GLP2R: variants seen among roughly 807,000 people sequenced by gnomAD.
GLP2R encodes the protein glucagon-like peptide 2 receptor.
GLP2R carries 59 observed loss-of-function variants against 68.2 expected under a neutral mutation model. The observed-to-expected ratio is 0.87, with a 90% CI of 0.70 to 1.07. The LOEUF is 1.07. Among genes scored for constraint, GLP2R ranks in the 50% least tolerant of loss-of-function variants. GLP2R has a pLI of 0.00. For synonymous variants in GLP2R, 270 were observed against 265.4 expected, an observed-to-expected ratio of 1.02 and a Z score of -0.17; for missense variants, 548 against 677.4, an observed-to-expected ratio of 0.81 and a Z score of 2.12.
chr17:9,842,855 C>A (rs974583022), intron 4 of GLP2R, among the ~76,000 whole-genome samples: 1 of 152,224 alleles, frequency 6.6e-6, no homozygotes, highest in Non-Finnish European at 1.5e-5. Flanking sequence ...TTGATCCTGG[C>A]ATTTGTGCTT....
At chr17:9,876,678 C>T (rs904131814) in intron 10 of GLP2R, among the ~76,000 whole-genome samples, 8 of 152,208 alleles carry the variant, frequency 5.3e-5, no homozygotes, top group African/African-American at 1.9e-4. Context: ...GAGAGACCTT[C>T]CTGCTTCTGT....
chr17:9,835,860 G>T (rs1172540500), intron 2 of GLP2R, among the ~76,000 whole-genome samples: 1 of 151,948 alleles, frequency 6.6e-6, no homozygotes, highest in Non-Finnish European at 1.5e-5. Flanking sequence ...GGCCAACATA[G>T]TGAAACTGTC....
At chr17:9,856,889 C>T (rs1015094026) in intron 5 of GLP2R, among the ~76,000 whole-genome samples, 4 of 151,934 alleles carry the variant, frequency 2.6e-5, no homozygotes, top group Non-Finnish European at 2.9e-5. Flanking sequence ...ATTTGGAACA[C>T]GGCTGGCATG....
chr17:9,889,455 TC>T lies in GLP2R; in HGVS notation c.1414del (p.Arg472GlyfsTer3). 6.2e-7 allele frequency: 1 copy of T among 1,614,016 alleles called. No individual in the cohort carries two copies. The highest frequency in any genetic ancestry group is 8.5e-7 in the Non-Finnish European group (1 of 1,179,882). On this transcript the variant is annotated frameshift_variant, in exon 13 of 13. Coordinates refer to ENST00000262441, the MANE Select transcript of GLP2R (RefSeq NM_004246.3). LOFTEE classifies it low-confidence loss of function (END_TRUNC). ...AGAGCCTGTGTCCTGGGGAAGGACTTCCGGTTCCTAGGAAAATGTCCCAAGA... is the reference window on the plus strand; with the variant it reads ...AGAGCCTGTGTCCTGGGGAAGGACTTCGGTTCCTAGGAAAATGTCCCAAGA... ...GCRACVLGKD[F>X]RFLGKCPKKL...
At chr17:9,846,338 A>C (rs2066838417) in intron 4 of GLP2R, among the ~76,000 whole-genome samples, 1 of 152,238 alleles carries the variant, frequency 6.6e-6, no homozygotes, top group Non-Finnish European at 1.5e-5. Flanking sequence ...GTTAGAGGCC[A>C]GCTGCAGTAG....
intron 6 of GLP2R, among the ~76,000 whole-genome samples, 159 bp downstream of exon 6, chr17:9,857,735 C>T (rs981405492): frequency 4.0e-5 from 6 of 148,936 alleles, no homozygotes; most frequent in Non-Finnish European, 7.4e-5. Context: ...AACAAAACCA[C>T]CACCTGCCAA....
Position 9,887,429 on chromosome 17 carries a change from G to A in GLP2R, c.1285-503G>A, listed in dbSNP as rs1208752693. On this transcript the variant is annotated intron_variant, in intron 11 of 12. Transcript: ENST00000262441. Reference sequence around the variant, plus strand: ...TGTAATTCCAGCTACTTGGGAGGCTGAGACAGGAGAATGCTTGAACTCGGG... The same window carrying A: ...TGTAATTCCAGCTACTTGGGAGGCTAAGACAGGAGAATGCTTGAACTCGGG... Among the ~76,000 whole-genome samples the A allele has an allele frequency of 3.3e-5, 5 of 152,204 alleles. No homozygotes were observed. The South Asian group carries it at 1.0e-3, about 32-fold the overall frequency.
chr17:9,872,358 C>T (rs966863950), intron 10 of GLP2R, among the ~76,000 whole-genome samples: 5 of 152,166 alleles, frequency 3.3e-5, no homozygotes, highest in Non-Finnish European at 7.4e-5. Flanking sequence ...GGGCATATCA[C>T]CTGAGGTCAG....
intron 4 of GLP2R, among the ~76,000 whole-genome samples, chr17:9,849,075 G>T (rs1340565641): frequency 6.6e-6 from 1 of 150,718 alleles, no homozygotes; most frequent in African/African-American, 2.4e-5. Context: ...TTAATATATG[G>T]CATATAATTT....
intron 10 of GLP2R, among the ~76,000 whole-genome samples, chr17:9,872,056 G>T (rs1049850762): frequency 2.6e-5 from 4 of 152,152 alleles, no homozygotes; most frequent in African/African-American, 7.2e-5. Context: ...TATGCATTCA[G>T]CAGGGCTCTG....
rs3073988 is a variant in GLP2R, at chr17:9,873,556, C to CTTTTTTTTTTTTTTTTTTTTTTTT, written c.1145+2744_1145+2745insTTTTTTTTTTTTTTTTTTTTTTTT. ...GGATATCACAAAAACTATGCATGGA[C>CTTTTTTTTTTTTTTTTTTTTTTTT]TTTTTTTTTTTTTTTTTTTTTTTAG... On this transcript the variant is annotated intron_variant, in intron 10 of 12. Transcript: ENST00000262441. Among the ~76,000 whole-genome samples, 8 of 52,060 alleles carry CTTTTTTTTTTTTTTTTTTTTTTTT rather than the reference C, an allele frequency of 1.5e-4. 1 individual carries two copies. The highest frequency in any genetic ancestry group is 2.4e-4 in the Non-Finnish European group (7 of 29,448). 34.2% of individuals were successfully genotyped at this position (52,060 alleles called of 152,430 possible).
At chr17:9,840,976 G>C (rs1177964500) in intron 3 of GLP2R, among the ~76,000 whole-genome samples, 1 of 151,566 alleles carries the variant, frequency 6.6e-6, no homozygotes, top group African/African-American at 2.4e-5. Flanking sequence ...TTCTCAGAAA[G>C]CCCTTGGAAG....
intron 3 of GLP2R, among the ~76,000 whole-genome samples, chr17:9,836,817 G>T (rs1331588900): frequency 3.3e-5 from 5 of 150,862 alleles, no homozygotes; most frequent in Non-Finnish European, 7.4e-5. Context: ...CAAAATGGAC[G>T]ATCAAGTTAT....
At chr17:9,852,060 G>T (rs4791892) in intron 4 of GLP2R, among the ~76,000 whole-genome samples, 590 of 53,282 alleles carry the variant, frequency 0.011, 3 homozygotes, top group African/African-American at 0.031. Context: ...TTTTTTTTTT[G>T]TTTTTTTTTT....
At chr17:9,880,347 C>A (rs2067183855) in intron 10 of GLP2R, 31 bp from the exon 11 acceptor site, 1 of 1,499,746 alleles carries the variant, frequency 6.7e-7, no homozygotes, top group East Asian at 2.3e-5. Flanking sequence ...CCATGTGGCC[C>A]TCTTGACTGT....
At position 9,891,809 on chromosome 17, in the gene GLP2R, C is replaced by T. The variant is rs572046810; in HGVS notation, c.*2104C>T. On this transcript the variant is annotated 3_prime_UTR_variant, in exon 13 of 13. Transcript: ENST00000262441. ...AATGTCCCTGCCTCGGCTCATCAGC[C>T]AATTAGCTCCTAGAAAGCTGGGGTC... 1.3e-5 allele frequency: 2 copies of T among 152,252 alleles called. No homozygotes were observed. Among genetic ancestry groups the T allele is most frequent in the Non-Finnish European group, 2.9e-5 (2 of 68,026 alleles). The allele number at this position is 152,252 out of a possible 1,614,324, so 9.4% of individuals were successfully genotyped here. A position where few individuals can be genotyped will look rare whatever the true frequency, so the allele number is the denominator to read the frequency against.
At chr17:9,850,332 T>G (rs2066879950) in intron 4 of GLP2R, among the ~76,000 whole-genome samples, 1 of 152,224 alleles carries the variant, frequency 6.6e-6, no homozygotes, top group African/African-American at 2.4e-5. Flanking sequence ...TAGCAGGTGC[T>G]CTTGGCGCCC....
chr17:9,887,726 C>T (rs1051898146), intron 11 of GLP2R, among the ~76,000 whole-genome samples: 4 of 152,106 alleles, frequency 2.6e-5, no homozygotes, highest in Middle Eastern at 3.2e-3. Context: ...GCGGGCGGGG[C>T]GCTGGATGTC....
chr17:9,836,201 C>A (rs940535304), intron 2 of GLP2R, among the ~76,000 whole-genome samples, 170 bp from the exon 3 acceptor site: 3 of 152,362 alleles, frequency 2.0e-5, no homozygotes, highest in Middle Eastern at 3.4e-3. Flanking sequence ...GTCCCCAAAT[C>A]ATTCCCCATC....
Sources: allele counts gnomAD v4.1 joint callset (sites outside exome capture counted in the v4.1 genomes callset), GRCh38; gene constraint gnomAD v4.1.1; transcripts MANE v1.5; gene names NCBI Gene and HGNC (gene_info 2026-07-23, HGNC 2026-07-21).